Variants in PGM1 observed in about 807,000 individuals in gnomAD.
PGM1 encodes the protein phosphoglucomutase-1.
Under a neutral mutation model 55.6 loss-of-function variants are expected in PGM1, and 52 were observed. That is an observed-to-expected ratio of 0.94 (90% CI 0.75 to 1.18). The LOEUF is 1.18. PGM1 is among the 50% of genes most tolerant of loss of function. The pLI is 0.00. For synonymous variants in PGM1, 287 were observed against 271.7 expected (o/e 1.06, Z -0.55); for missense variants, 724 against 729.3 (o/e 0.99, Z 0.08).
chr1:63,604,959 G>GTATT (rs534157275), intron 1 of PGM1, among the ~76,000 whole-genome samples: 10 of 134,236 alleles, frequency 7.4e-5, no homozygotes, highest in African/African-American at 3.1e-4. Context: ...GTGTGTGTGT[G>GTATT]TAAAGAGAGG....
chr1:63,622,683 T>C (rs1014135728), intron 1 of PGM1, among the ~76,000 whole-genome samples: 5 of 152,226 alleles, frequency 3.3e-5, no homozygotes, highest in African/African-American at 9.7e-5. Flanking sequence ...AAGCTGTTGG[T>C]TATTCAGGGC....
chr1:63,629,351 T>C (rs1007460947), intron 1 of PGM1, 74 bp from the exon 2 acceptor site: 55 of 1,248,082 alleles, frequency 4.4e-5, no homozygotes, highest in Non-Finnish European at 6.1e-5. Context: ...CTGCCTGTTG[T>C]CTTGGTGTTG....
chr1:63,602,275 C>G (rs1438943266), intron 1 of PGM1, among the ~76,000 whole-genome samples: 3 of 152,172 alleles, frequency 2.0e-5, no homozygotes, highest in Non-Finnish European at 4.4e-5. Flanking sequence ...GGACCCCAAA[C>G]AGAAGAATTT....
intron 1 of PGM1, chr1:63,623,735 T>C (rs766773676): frequency 3.1e-6 from 5 of 1,611,872 alleles, no homozygotes; most frequent in African/African-American, 1.3e-5. Context: ...ATAGAAACAA[T>C]AGTGCAGATG....
In PGM1 at chr1:63,634,878, T is replaced by C; in HGVS notation, c.732T>C (p.Pro244=). 1 of 1,581,998 alleles carries C rather than the reference T, an allele frequency of 6.3e-7. No homozygotes were observed. ...TCCTCTGTGAAGAACTCGGTGCCCC[T>C]GCGAACTCGGCAGTTAACTGCGTTC... The part of the protein sequence containing the change: ...KKILCEELGA[P]ANSAVNCVPL... The change falls in exon 5 of 11, where the codon CCT becomes CCC. Residue 244 remains proline, a synonymous_variant. Transcript: ENST00000371084.
At chr1:63,644,072 A>G (rs1014057300) in intron 7 of PGM1, among the ~76,000 whole-genome samples, 1 of 152,218 alleles carries the variant, frequency 6.6e-6, no homozygotes, top group Non-Finnish European at 1.5e-5. Flanking sequence ...TGAGATGCCC[A>G]TACTGGTAAA....
In PGM1 at chr1:63,649,129, C is replaced by T. The variant is rs566295243; in HGVS notation, c.1280+477C>T. On this transcript the variant is annotated intron_variant, in intron 8 of 10. Coordinates refer to ENST00000371084, the MANE Select transcript of PGM1 (RefSeq NM_002633.3). ...CTTTGGGGCACTGAAAGCCTAGAAA[C>T]TTTTTTTCATAAATTATAGAAACAG... is the stretch of plus-strand genomic sequence containing the variant. 2.9e-4 allele frequency among the ~76,000 whole-genome samples: 44 copies of T among 152,266 alleles called. 1 individual carries two copies. The highest frequency in any genetic ancestry group is 9.6e-4 in the African/African-American group (40 of 41,560).
At chr1:63,595,617 T>TA (rs778553546) in intron 1 of PGM1, among the ~76,000 whole-genome samples, 140 of 151,656 alleles carry the variant, frequency 9.2e-4, no homozygotes, top group Non-Finnish European at 1.6e-3. Context: ...ATTTCCCTGT[T>TA]ACCACCTGTG....
intron 1 of PGM1, among the ~76,000 whole-genome samples, chr1:63,604,573 A>C (rs1648359374): frequency 6.6e-6 from 1 of 152,198 alleles, no homozygotes; most frequent in Non-Finnish European, 1.5e-5. Context: ...AGAAGGGCTG[A>C]AAATGTAGAC....
intron 1 of PGM1, among the ~76,000 whole-genome samples, chr1:63,602,758 T>A (rs1277793477): frequency 6.6e-6 from 1 of 152,008 alleles, no homozygotes; most frequent in African/African-American, 2.4e-5. Context: ...AATGAGCTGA[T>A]TGGTGAAACT....
At chr1:63,654,566 A>G in intron 10 of PGM1, 100 bp downstream of exon 10, 1 of 1,140,032 alleles carries the variant, frequency 8.8e-7, no homozygotes, top group Non-Finnish European at 1.3e-6. Flanking sequence ...AAATGACTCA[A>G]CAAGGTACCA....
intron 4 of PGM1, among the ~76,000 whole-genome samples, chr1:63,633,866 CTGTGTGTGTGTGTGTGTGTGTGTGTG>C (rs58094821): frequency 6.8e-5 from 5 of 73,410 alleles, no homozygotes; most frequent in African/African-American, 2.2e-4. Context: ...GTCTGTGTCT[CTGTGTGTGTGTGTGTGTGTGTGTGTG>C]TGTGTGTGTG....
chr1:63,638,969 G>A (rs1275593383), intron 7 of PGM1, among the ~76,000 whole-genome samples, 169 bp downstream of exon 7: 1 of 152,136 alleles, frequency 6.6e-6, no homozygotes, highest in Non-Finnish European at 1.5e-5. Flanking sequence ...GAAAAGGGGT[G>A]AGCACATTCA....
chr1:63,636,774 TA>T (rs1251204729), intron 6 of PGM1, among the ~76,000 whole-genome samples: 1 of 152,210 alleles, frequency 6.6e-6, no homozygotes, highest in Non-Finnish European at 1.5e-5. Flanking sequence ...TATAATTTTT[TA>T]AAGTTAATGA....
intron 1 of PGM1, among the ~76,000 whole-genome samples, chr1:63,608,479 G>A (rs1648484656): frequency 6.6e-6 from 1 of 152,164 alleles, no homozygotes; most frequent in Admixed American, 6.5e-5. Flanking sequence ...TGCCCACCTC[G>A]ACTGTGTGAA....
intron 10 of PGM1, among the ~76,000 whole-genome samples, chr1:63,654,967 CTTTT>C (rs58711467): frequency 1.1e-4 from 14 of 131,614 alleles, no homozygotes; most frequent in African/African-American, 3.4e-4. Context: ...ATGAATCTCT[CTTTT>C]TTTTTTTTTT....
intron 7 of PGM1, among the ~76,000 whole-genome samples, chr1:63,645,270 G>C (rs1649619163): frequency 6.6e-6 from 1 of 152,090 alleles, no homozygotes; most frequent in South Asian, 2.1e-4. Flanking sequence ...AAGATTTTTA[G>C]ATTTTATTTT....
intron 7 of PGM1, among the ~76,000 whole-genome samples, chr1:63,642,201 A>G (rs1201694261): frequency 2.0e-5 from 3 of 152,270 alleles, no homozygotes; most frequent in Non-Finnish European, 4.4e-5. Context: ...GGACTGGTCC[A>G]CCGAGTAAAA....
chr1:63,618,488 AT>A (rs1648800929), intron 1 of PGM1, among the ~76,000 whole-genome samples: 1 of 152,138 alleles, frequency 6.6e-6, no homozygotes, highest in Admixed American at 6.5e-5. Context: ...AATATCCCAC[AT>A]TTCTTAAATG....
Sources: allele counts gnomAD v4.1 joint callset (sites outside exome capture counted in the v4.1 genomes callset), GRCh38; gene constraint gnomAD v4.1.1; transcripts MANE v1.5; gene names NCBI Gene and HGNC (gene_info 2026-07-23, HGNC 2026-07-21).